Variants in ZFPM2 observed in about 807,000 individuals in gnomAD.
ZFPM2 encodes the protein zinc finger protein ZFPM2.
ZFPM2 carries 20 observed loss-of-function variants against 98.6 expected under a neutral mutation model. The ratio of observed to expected loss-of-function variants is 0.20; its 90% CI spans 0.14 to 0.29. The LOEUF is 0.29. ZFPM2 is among the 10% of genes least tolerant of loss of function. The pLI is 1.00. For missense variants in ZFPM2, 1,310 were observed against 1,388.6 expected (o/e 0.94, Z 0.90); for synonymous variants, 518 against 502.7 (o/e 1.03, Z -0.41).
chr8:105,596,958 T>A lies in ZFPM2; in HGVS notation c.420+35477T>A, dbSNP rs530438375. On this transcript the variant is annotated intron_variant, in intron 4 of 7. Coordinates refer to ENST00000407775, the MANE Select transcript of ZFPM2 (RefSeq NM_012082.4). ...TATAAATTTAGTTAATGCTGTTGTT[T>A]TTTGTAAAGTAGAATTGAAATTCTA... 2.0e-5 allele frequency among the ~76,000 whole-genome samples: 3 copies of A among 151,746 alleles called. No individual in the cohort carries two copies. The South Asian group carries it at 6.2e-4, about 32-fold the overall frequency.
At chr8:105,767,247 A>T (rs2131083451) in intron 5 of ZFPM2, among the ~76,000 whole-genome samples, 1 of 152,026 alleles carries the variant, frequency 6.6e-6, no homozygotes, top group Non-Finnish European at 1.5e-5. Flanking sequence ...AAAATTATTA[A>T]ATGAGAACTG....
chr8:105,507,494 C>T (rs935079237), intron 3 of ZFPM2, among the ~76,000 whole-genome samples: 3 of 152,172 alleles, frequency 2.0e-5, no homozygotes, highest in African/African-American at 7.2e-5. Flanking sequence ...TCACTTTATT[C>T]ATCAGAATGT....
At chr8:105,556,683 C>T (rs1224684724) in intron 3 of ZFPM2, among the ~76,000 whole-genome samples, 1 of 141,806 alleles carries the variant, frequency 7.1e-6, no homozygotes, top group Non-Finnish European at 1.5e-5. Context: ...TCCCCCTTCC[C>T]TTTTCCCCCT....
At chr8:105,387,949 T>A (rs1811034514) in intron 1 of ZFPM2, 1 of 152,274 alleles carries the variant, frequency 6.6e-6, no homozygotes, top group Non-Finnish European at 1.5e-5. Flanking sequence ...TCTCTTTCAA[T>A]AATTTTTTCT....
intron 2 of ZFPM2, among the ~76,000 whole-genome samples, chr8:105,443,667 G>A (rs1203488326): frequency 6.6e-6 from 1 of 152,062 alleles, no homozygotes; most frequent in South Asian, 2.1e-4. Flanking sequence ...GCATAAAATT[G>A]TAGAAACTAG....
At chr8:105,626,492 CA>C (rs1157116862) in intron 4 of ZFPM2, among the ~76,000 whole-genome samples, 2 of 151,996 alleles carry the variant, frequency 1.3e-5, no homozygotes, top group Non-Finnish European at 2.9e-5. Flanking sequence ...TGTGGTTGTA[CA>C]AGGTCAAATC....
intron 1 of ZFPM2, 93 bp downstream of exon 1, chr8:105,319,074 G>T: frequency 7.3e-7 from 1 of 1,374,052 alleles, no homozygotes; most frequent in Non-Finnish European, 9.7e-7. Flanking sequence ...GGCGGGGCTA[G>T]GGGAGATCCG....
At chr8:105,648,619 A>G (rs935445972) in intron 5 of ZFPM2, among the ~76,000 whole-genome samples, 1 of 152,172 alleles carries the variant, frequency 6.6e-6, no homozygotes, top group East Asian at 1.9e-4. Context: ...TCCCAGCACT[A>G]TTTATTAAAT....
At chr8:105,520,123 G>T (rs1045184446) in intron 3 of ZFPM2, among the ~76,000 whole-genome samples, 1 of 152,142 alleles carries the variant, frequency 6.6e-6, no homozygotes, top group African/African-American at 2.4e-5. Context: ...TTCAATTGAT[G>T]AAAGGATCAC....
intron 1 of ZFPM2, among the ~76,000 whole-genome samples, chr8:105,341,637 T>G (rs1007048970): frequency 1.3e-5 from 2 of 151,956 alleles, no homozygotes; most frequent in Non-Finnish European, 2.9e-5. Context: ...TGTGACTGAT[T>G]AGATTAAGTG....
chr8:105,768,266 T>A (rs1812900809), intron 5 of ZFPM2, among the ~76,000 whole-genome samples: 1 of 151,952 alleles, frequency 6.6e-6, no homozygotes, highest in African/African-American at 2.4e-5. Context: ...GATATAACAC[T>A]ATTAATAAAA....
chr8:105,674,387 A>G (rs1253067084), intron 5 of ZFPM2, among the ~76,000 whole-genome samples: 1 of 152,224 alleles, frequency 6.6e-6, no homozygotes, highest in Non-Finnish European at 1.5e-5. Context: ...ACCCTTGCCT[A>G]TGATGGCAGA....
At chr8:105,753,226 T>C (rs1812517015) in intron 5 of ZFPM2, among the ~76,000 whole-genome samples, 1 of 152,124 alleles carries the variant, frequency 6.6e-6, no homozygotes, top group Non-Finnish European at 1.5e-5. Flanking sequence ...ATATCCTAGG[T>C]TCCAGAGATC....
chr8:105,715,193 G>A (rs1436701256), intron 5 of ZFPM2, among the ~76,000 whole-genome samples: 1 of 151,988 alleles, frequency 6.6e-6, no homozygotes, highest in African/African-American at 2.4e-5. Flanking sequence ...GAGCCCAGGA[G>A]TTTGAGACCA....
intron 2 of ZFPM2, among the ~76,000 whole-genome samples, chr8:105,438,569 G>A (rs1812171420): frequency 6.6e-6 from 1 of 152,042 alleles, no homozygotes; most frequent in Non-Finnish European, 1.5e-5. Context: ...CCAAAAATAT[G>A]TAATTTGCTT....
chr8:105,496,597 G>A (rs1277796400), intron 3 of ZFPM2, among the ~76,000 whole-genome samples: 1 of 151,908 alleles, frequency 6.6e-6, no homozygotes, highest in Non-Finnish European at 1.5e-5. Context: ...CCTGGCTGAG[G>A]TGGTATCTAC....
At chr8:105,482,857 A>C (rs1385330606) in intron 3 of ZFPM2, among the ~76,000 whole-genome samples, 2 of 151,700 alleles carry the variant, frequency 1.3e-5, no homozygotes, top group Non-Finnish European at 1.5e-5. Context: ...TGATACTTGC[A>C]TCTCATTTCT....
intron 5 of ZFPM2, among the ~76,000 whole-genome samples, chr8:105,679,463 C>T (rs2130918382): frequency 6.6e-6 from 1 of 152,216 alleles, no homozygotes; most frequent in Non-Finnish European, 1.5e-5. Context: ...ATGTGCTTAA[C>T]AAAGTCACTC....
chr8:105,799,094 T>C (rs1813923359), intron 7 of ZFPM2, 146 bp downstream of exon 7: 4 of 719,498 alleles, frequency 5.6e-6, no homozygotes, highest in Non-Finnish European at 8.8e-6. Flanking sequence ...ACCAGTGTGA[T>C]CTTATGCCAC....
Sources: gnomAD v4.1 joint callset for allele counts (sites outside exome capture counted in the v4.1 genomes callset) on GRCh38, gnomAD v4.1.1 for gene constraint, MANE v1.5 for transcripts, NCBI Gene and HGNC (gene_info 2026-07-23, HGNC 2026-07-21) for gene names.